Variants in ZNF226 observed in about 807,000 individuals in gnomAD.
ZNF226 encodes the protein Kruppel-associated box protein.
Under a neutral mutation model 11.4 loss-of-function variants are expected in ZNF226, and 6 were observed. That is an observed-to-expected ratio of 0.53 (90% CI 0.29 to 1.04). The LOEUF (loss-of-function observed/expected upper bound fraction) is 1.04, where lower values mean the gene tolerates loss of function less well. Ranked by LOEUF, ZNF226 falls within the 50% of genes least tolerant of loss-of-function variation. The probability of loss-of-function intolerance (pLI) is 0.08; values close to 1 mark genes in which losing one functional copy is unlikely to be tolerated. For missense variants in ZNF226, 1,058 were observed against 956.5 expected, an observed-to-expected ratio of 1.11 and a Z score of -1.40; for synonymous variants, 350 against 322.8, an observed-to-expected ratio of 1.08 and a Z score of -0.90.
At chr19:44,167,188 C>A (rs1029520859) in intron 2 of ZNF226, among the ~76,000 whole-genome samples, 1 of 152,084 alleles carries the variant, frequency 6.6e-6, no homozygotes, top group Admixed American at 6.6e-5. Flanking sequence ...GTACTGGAGG[C>A]CTTCTGCCTG....
chr19:44,188,453 A>G, the ZNF226 span, among the ~76,000 whole-genome samples: 17 of 152,350 alleles, frequency 1.1e-4, no homozygotes, highest in South Asian at 3.5e-3. Context: ...ATTATTCCCT[A>G]AACAATACAA....
chr19:44,193,498 T>G, the ZNF226 span, among the ~76,000 whole-genome samples: 1 of 152,154 alleles, frequency 6.6e-6, no homozygotes, highest in African/African-American at 2.4e-5. Flanking sequence ...GTGGACCAAA[T>G]TTTGGGTAAA....
At position 44,176,820 on chromosome 19, in the gene ZNF226, G is replaced by A; in HGVS notation, c.1558G>A (p.Val520Ile). 1.2e-6 allele frequency: 2 copies of A among 1,613,162 alleles called. No individual in the cohort carries two copies. The highest frequency in any genetic ancestry group is 2.2e-5 in the East Asian group (1 of 44,786). The change falls in exon 6 of 6, where the codon GTT (valine) becomes ATT (isoleucine). Residue 520 changes from valine (V) to isoleucine (I), a missense_variant. Physicochemically the swap from Val to Ile is conservative, Grantham distance 29. Transcript: ENST00000337433. Reference protein sequence around the residue: ...KSFRRNSHYQVHLVVHTGEKP... With the variant: ...KSFRRNSHYQIHLVVHTGEKP... The stretch of plus-strand genomic sequence containing the variant: ...CTTCAGGAGGAATTCCCATTATCAA[G>A]TTCATCTAGTGGTCCACACAGGAGA...
chr19:44,176,490 CAA>C lies in ZNF226; in HGVS notation c.1230_1231del (p.Arg411SerfsTer11), dbSNP rs753085512. The C allele has an allele frequency of 5.8e-5, 93 of 1,613,912 alleles. No homozygotes were observed. The East Asian group carries it at 1.2e-3, about 21-fold the overall frequency. ...FSRNSHLQSHQRVHTGEKPYK... is the reference protein window; with the variant it reads ...FSRNSHLQSHXRVHTGEKPYK... Reference sequence around the variant, plus strand: ...TCGGAATTCACATCTTCAATCCCATCAAAGAGTTCATACAGGAGAGAAACCAT... The same window carrying C: ...TCGGAATTCACATCTTCAATCCCATCAGAGTTCATACAGGAGAGAAACCAT... On this transcript the variant is annotated frameshift_variant, in exon 6 of 6. Coordinates refer to ENST00000337433, the MANE Select transcript of ZNF226 (RefSeq NM_001032373.2). LOFTEE classifies it low-confidence loss of function (END_TRUNC).
At chr19:44,167,861 G>C (rs1337246032) in intron 2 of ZNF226, 1 of 152,196 alleles carries the variant, frequency 6.6e-6, no homozygotes, top group Non-Finnish European at 1.5e-5. Context: ...GGGTGTCTTG[G>C]TAAGAGGCAA....
chr19:44,181,204 C>T (rs1227043508), downstream of ZNF226, among the ~76,000 whole-genome samples: 1 of 152,104 alleles, frequency 6.6e-6, no homozygotes, highest in Non-Finnish European at 1.5e-5. Flanking sequence ...TATAGTGAGA[C>T]CCTGTCTCTC....
chr19:44,187,070 T>C, the ZNF226 span, among the ~76,000 whole-genome samples: 3 of 152,142 alleles, frequency 2.0e-5, no homozygotes, highest in Admixed American at 1.3e-4. This position sits in a 1 kb window ranked among gnomAD's most constrained non-coding sequence, Gnocchi z 4.0. Flanking sequence ...GAGATATTGG[T>C]CTACAGTTTA....
chr19:44,178,936 T>G (rs945756848), downstream of ZNF226, among the ~76,000 whole-genome samples: 4 of 152,150 alleles, frequency 2.6e-5, no homozygotes, highest in Admixed American at 6.6e-5. Flanking sequence ...TCCCCGTACT[T>G]TGGGAGGCCG....
chr19:44,183,148 G>A (rs183280256), downstream of ZNF226, among the ~76,000 whole-genome samples: 6 of 152,316 alleles, frequency 3.9e-5, no homozygotes, highest in Admixed American at 3.3e-4. Context: ...ATTGGAAACA[G>A]CCTGAATATG....
chr19:44,172,574 A>G (rs1318810473), intron 4 of ZNF226: 4 of 453,106 alleles, frequency 8.8e-6, no homozygotes, highest in Non-Finnish European at 1.6e-5. Context: ...ACACTGCAGC[A>G]AAAACTCTGG....
the ZNF226 span, among the ~76,000 whole-genome samples, chr19:44,195,341 A>G: frequency 6.6e-6 from 1 of 152,240 alleles, no homozygotes. Context: ...AAAGGGGTCA[A>G]TGTTGGTACC....
chr19:44,172,618 G>T lies in ZNF226; in HGVS notation c.143-242G>T, dbSNP rs2122398656. 8.0e-6 allele frequency: 4 copies of T among 502,386 alleles called. No individual in the cohort carries two copies. The South Asian group carries it at 1.2e-4, about 15-fold the overall frequency. The allele number at this position is 502,386 out of a possible 1,614,324, so 31.1% of individuals were successfully genotyped here. ...TTGAGTGATGTGAGAACCAATGGGA[G>T]ATTTAAGGAAAACAGACATTAGTTA... is the stretch of plus-strand genomic sequence containing the variant. On this transcript the variant is annotated intron_variant, in intron 4 of 5. Coordinates refer to ENST00000337433, the MANE Select transcript of ZNF226 (RefSeq NM_001032373.2).
Position 44,177,588 on chromosome 19 carries a change from A to G in ZNF226, c.2326A>G (p.Ile776Val). The change falls in exon 6 of 6, where the codon ATC becomes GTC. Residue 776 changes from isoleucine (I) to valine (V), a missense_variant. Physicochemically the swap from Ile to Val is conservative, Grantham distance 29. Transcript: ENST00000337433. ...ATCAAATCTTACAGTTCATCACAGA[A>G]TCCATGTTGGTGATAAATCCTATAA... Reference protein sequence around the residue: ...WRSNLTVHHRIHVGDKSYKSN... With the variant: ...WRSNLTVHHRVHVGDKSYKSN... 1.9e-6 allele frequency: 3 copies of G among 1,614,002 alleles called. No homozygotes were observed. Among genetic ancestry groups the G allele is most frequent in the Non-Finnish European group, 2.5e-6 (3 of 1,179,890 alleles).
At chr19:44,175,467 C>T (rs1340581049) in intron 5 of ZNF226, 31 bp from the exon 6 acceptor site, 2 of 1,532,594 alleles carry the variant, frequency 1.3e-6, no homozygotes, top group Non-Finnish European at 1.7e-6. Flanking sequence ...CAAAAAAATT[C>T]ACTATCTCTC....
At chr19:44,192,968 A>T in the ZNF226 span, among the ~76,000 whole-genome samples, 1 of 152,098 alleles carries the variant, frequency 6.6e-6, no homozygotes, top group Non-Finnish European at 1.5e-5. Flanking sequence ...TTAAACACAA[A>T]TTTTTTCCAT....
At chr19:44,173,218 C>T (rs955646002) in intron 5 of ZNF226, 4 of 529,706 alleles carry the variant, frequency 7.6e-6, no homozygotes, top group Non-Finnish European at 1.3e-5. Flanking sequence ...GAGTAAAATC[C>T]ACTTAATGTG....
Position 44,176,824 on chromosome 19 carries a change from A to T in ZNF226, c.1562A>T (p.His521Leu). The T allele has an allele frequency of 6.2e-7, 1 of 1,614,100 alleles. No homozygotes were observed. Among genetic ancestry groups the T allele is most frequent in the Non-Finnish European group, 8.5e-7 (1 of 1,180,002 alleles). Residue 521 changes from histidine to leucine, a missense_variant, in exon 6 of 6, where the codon CAT becomes CTT. Coordinates refer to ENST00000337433, the MANE Select transcript of ZNF226 (RefSeq NM_001032373.2). The stretch of plus-strand genomic sequence containing the variant: ...AGGAGGAATTCCCATTATCAAGTTC[A>T]TCTAGTGGTCCACACAGGAGAGAAA... ...SFRRNSHYQV[H>L]LVVHTGEKPY...
chr19:44,174,896 C>A, intron 5 of ZNF226: 1 of 1,256,320 alleles, frequency 8.0e-7, no homozygotes, highest in South Asian at 1.4e-5. Context: ...TTCTCTTCAG[C>A]AATAACTCAC....
the ZNF226 span, among the ~76,000 whole-genome samples, chr19:44,188,852 G>A: frequency 6.6e-6 from 1 of 151,972 alleles, no homozygotes; most frequent in Non-Finnish European, 1.5e-5. Context: ...GAATACAGTG[G>A]GTATATTCAG....
Sources: allele counts gnomAD v4.1 joint callset (sites outside exome capture counted in the v4.1 genomes callset), GRCh38; gene constraint gnomAD v4.1.1; non-coding constraint Gnocchi (gnomAD v3.1); transcripts MANE v1.5; gene names NCBI Gene and HGNC (gene_info 2026-07-23, HGNC 2026-07-21).